CD82: variants seen among roughly 807,000 people sequenced by gnomAD.
The protein encoded by CD82 is CD82 antigen.
Under a neutral mutation model 37.4 loss-of-function variants are expected in CD82, and 36 were observed. The ratio of observed to expected loss-of-function variants is 0.96; its 90% CI spans 0.74 to 1.27. The LOEUF (loss-of-function observed/expected upper bound fraction) is 1.27. Ranked by LOEUF, CD82 falls within the 50% of genes most tolerant of loss-of-function variation. CD82 has a pLI of 0.00. For synonymous variants in CD82, 158 were observed against 137.4 expected, an observed-to-expected ratio of 1.15 and a Z score of -1.05; for missense variants, 340 against 347.0, an observed-to-expected ratio of 0.98 and a Z score of 0.16.
chr11:44,599,804 C>T (rs1853280626), intron 3 of CD82, among the ~76,000 whole-genome samples: 1 of 152,220 alleles, frequency 6.6e-6, no homozygotes, highest in Admixed American at 6.5e-5. Flanking sequence ...GTTTGGGAAG[C>T]TCCCAGGCCC....
chr11:44,598,398 TAA>T, intron 3 of CD82, among the ~76,000 whole-genome samples: 1 of 132,608 alleles, frequency 7.5e-6, no homozygotes, highest in Non-Finnish European at 1.6e-5. Flanking sequence ...TTTTTGGCCT[TAA>T]TTTTTTTTTT....
At chr11:44,618,473 C>G (rs946257884) in intron 8 of CD82, 108 bp downstream of exon 8, 12 of 1,092,948 alleles carry the variant, frequency 1.1e-5, no homozygotes, top group Non-Finnish European at 1.6e-5. Context: ...CTTAATTCAT[C>G]TGTCATTTGT....
At chr11:44,588,737 G>A (rs1209038874) in intron 2 of CD82, among the ~76,000 whole-genome samples, 1 of 152,164 alleles carries the variant, frequency 6.6e-6, no homozygotes, top group African/African-American at 2.4e-5. Flanking sequence ...ATGTGTCTTG[G>A]GGGTCAGAGG....
chr11:44,582,129 TC>T (rs1590331024), intron 1 of CD82, among the ~76,000 whole-genome samples: 1 of 152,120 alleles, frequency 6.6e-6, no homozygotes, highest in South Asian at 2.1e-4. Context: ...TGCACCACTG[TC>T]CCCCCTGTGT....
intron 6 of CD82, among the ~76,000 whole-genome samples, chr11:44,612,324 C>G (rs930583132): frequency 2.0e-5 from 3 of 152,218 alleles, no homozygotes; most frequent in African/African-American, 7.2e-5. Context: ...ATTAACCTCT[C>G]TGGGTTTGTT....
rs984490580 is a variant in CD82, at chr11:44,619,270, G to A, written c.*144G>A. ...TGACTGAAAGTAGGGGGCTTTCTGG[G>A]GCCTAGCGATCTCTCCTGGCCTATC... is the stretch of plus-strand genomic sequence containing the variant. On this transcript the variant is annotated 3_prime_UTR_variant, in exon 10 of 10. Transcript: ENST00000227155. 4.7e-5 allele frequency: 32 copies of A among 680,666 alleles called. No homozygotes were observed. The highest frequency in any genetic ancestry group is 7.4e-5 in the Non-Finnish European group (28 of 378,824). 42.2% of individuals were successfully genotyped at this position (680,666 alleles called of 1,614,324 possible).
At chr11:44,596,076 T>A (rs1853221603) in intron 3 of CD82, among the ~76,000 whole-genome samples, 1 of 152,222 alleles carries the variant, frequency 6.6e-6, no homozygotes, top group Non-Finnish European at 1.5e-5. Context: ...TTTTCCACCC[T>A]GGCCCCGGCC....
In CD82 at chr11:44,608,434, C is replaced by A. The variant is rs182024567; in HGVS notation, c.336+3005C>A. ...TTCTATAAATTGAGAATAAATCTGCCTCTCCCTGCTCTACCACTCAGGTTG... is the reference window on the plus strand; with the variant it reads ...TTCTATAAATTGAGAATAAATCTGCATCTCCCTGCTCTACCACTCAGGTTG... On this transcript the variant is annotated intron_variant, in intron 6 of 9. Coordinates refer to ENST00000227155, the MANE Select transcript of CD82 (RefSeq NM_002231.4). Among the ~76,000 whole-genome samples the A allele has an allele frequency of 2.2e-4, 34 of 152,268 alleles. No homozygotes were observed. The East Asian group carries it at 4.1e-3, about 18-fold the overall frequency.
chr11:44,616,452 G>T (rs1268777567), intron 7 of CD82, among the ~76,000 whole-genome samples: 3 of 152,140 alleles, frequency 2.0e-5, no homozygotes, highest in African/African-American at 7.2e-5. Context: ...ACCTGACAAG[G>T]GACCTGGGAG....
At chr11:44,571,966 T>G (rs1852820562) in intron 1 of CD82, among the ~76,000 whole-genome samples, 1 of 152,254 alleles carries the variant, frequency 6.6e-6, no homozygotes, top group Non-Finnish European at 1.5e-5. Context: ...AGCTCATCTT[T>G]TACTTGCTGT....
intron 6 of CD82, 79 bp downstream of exon 6, chr11:44,605,508 G>A (rs1853381245): frequency 1.5e-6 from 2 of 1,333,146 alleles, no homozygotes; most frequent in Non-Finnish European, 2.2e-6. Context: ...GGATGGACAA[G>A]GAACCCCCCC....
chr11:44,599,568 C>T (rs1853276904), intron 3 of CD82, among the ~76,000 whole-genome samples: 1 of 152,248 alleles, frequency 6.6e-6, no homozygotes, highest in African/African-American at 2.4e-5. Flanking sequence ...CAGCCCTGCC[C>T]TCAGGGAGCT....
chr11:44,618,514 A>G, intron 8 of CD82, 126 bp from the exon 9 acceptor site: 3 of 1,069,964 alleles, frequency 2.8e-6, no homozygotes, highest in Non-Finnish European at 2.8e-6. Context: ...TAATGTATTT[A>G]TTCAAGGAAC....
chr11:44,599,206 G>A (rs966498233), intron 3 of CD82, among the ~76,000 whole-genome samples: 3 of 152,208 alleles, frequency 2.0e-5, no homozygotes, highest in African/African-American at 2.4e-5. Context: ...GTCATGTCAT[G>A]AACACAGTTC....
intron 1 of CD82, among the ~76,000 whole-genome samples, chr11:44,581,952 G>A (rs866473145): frequency 2.6e-5 from 4 of 152,198 alleles, no homozygotes; most frequent in African/African-American, 4.8e-5. Context: ...CCCCACCCCC[G>A]GATGCTCTGA....
At chr11:44,601,880 G>C (rs562278722) in intron 4 of CD82, among the ~76,000 whole-genome samples, 1 of 152,176 alleles carries the variant, frequency 6.6e-6, no homozygotes, top group Admixed American at 6.5e-5. Context: ...CCTCTTGCCT[G>C]GTCACTAGGC....
intron 1 of CD82, among the ~76,000 whole-genome samples, chr11:44,580,166 C>T (rs1205749485): frequency 2.0e-5 from 3 of 152,184 alleles, no homozygotes; most frequent in Non-Finnish European, 2.9e-5. Flanking sequence ...GACTCCCCAC[C>T]CCCAAGTTCT....
At chr11:44,585,311 A>C (rs1853037912) in intron 1 of CD82, 1 of 456,190 alleles carries the variant, frequency 2.2e-6, no homozygotes, top group Non-Finnish European at 4.4e-6. Flanking sequence ...CATTTATCTG[A>C]CATTTACTGG....
chr11:44,591,759 T>C (rs1167006887), intron 2 of CD82, among the ~76,000 whole-genome samples: 1 of 152,216 alleles, frequency 6.6e-6, no homozygotes, highest in African/African-American at 2.4e-5. Flanking sequence ...ACATGGCCAC[T>C]TGTAGTAGTT....
Sources: gnomAD v4.1 joint callset for allele counts (sites outside exome capture counted in the v4.1 genomes callset) on GRCh38, gnomAD v4.1.1 for gene constraint, MANE v1.5 for transcripts, NCBI Gene and HGNC (gene_info 2026-07-23, HGNC 2026-07-21) for gene names.